PLPPR1: variants seen among roughly 807,000 people sequenced by gnomAD.
PLPPR1 encodes phospholipid phosphatase-related protein type 1.
In PLPPR1, 10 loss-of-function variants were observed where a neutral mutation model predicts 33.1. The ratio of observed to expected loss-of-function variants is 0.30; its 90% CI spans 0.19 to 0.51. The LOEUF is 0.51. PLPPR1 is among the 20% of genes least tolerant of loss of function. The pLI, the probability that PLPPR1 is intolerant of heterozygous loss-of-function variation, is 0.97. For synonymous variants in PLPPR1, 151 were observed against 151.0 expected (o/e 1.00, Z 0.00); for missense variants, 304 against 408.1 (o/e 0.74, Z 2.20).
chr9:101,278,462 T>C (rs1391231630), intron 3 of PLPPR1, among the ~76,000 whole-genome samples: 2 of 152,062 alleles, frequency 1.3e-5, no homozygotes, highest in African/African-American at 2.4e-5. Flanking sequence ...GAGTAACTGG[T>C]TGGAACACAA....
chr9:101,195,941 T>A (rs1193378567), intron 2 of PLPPR1, among the ~76,000 whole-genome samples: 3 of 152,212 alleles, frequency 2.0e-5, no homozygotes, highest in African/African-American at 7.2e-5. Context: ...CATTCCAAGA[T>A]AATGGCAGAC....
intron 3 of PLPPR1, among the ~76,000 whole-genome samples, chr9:101,285,645 G>A (rs1276892210): frequency 6.6e-6 from 1 of 152,142 alleles, no homozygotes; most frequent in African/African-American, 2.4e-5. Context: ...ATAGCATACA[G>A]TATGTCATTT....
chr9:101,152,148 G>A (rs1269924654), intron 1 of PLPPR1, among the ~76,000 whole-genome samples: 1 of 152,178 alleles, frequency 6.6e-6, no homozygotes, highest in East Asian at 1.9e-4. Context: ...CTGATGGCCA[G>A]TGATAATGAG....
In PLPPR1 at chr9:101,210,041, G is replaced by A. The variant is rs986755097; in HGVS notation, c.63+24484G>A. 9.9e-5 allele frequency among the ~76,000 whole-genome samples: 15 copies of A among 152,230 alleles called. 1 individual carries two copies. The South Asian group carries it at 3.1e-3, about 32-fold the overall frequency. ...CCTTGTAAGTTTCCTTCAGATGTAG[G>A]ATTATTTTTAGAATTATAAAACCAA... On this transcript the variant is annotated intron_variant, in intron 2 of 7. Transcript: ENST00000374874.
intron 2 of PLPPR1, 69 bp from the exon 3 acceptor site, chr9:101,269,811 G>A: frequency 6.9e-7 from 1 of 1,457,418 alleles, no homozygotes; most frequent in Non-Finnish European, 9.6e-7. Context: ...TGGAGGGAGT[G>A]TGCTCTGAGG....
intron 1 of PLPPR1, among the ~76,000 whole-genome samples, chr9:101,082,290 T>C (rs1410773611): frequency 6.6e-6 from 1 of 152,234 alleles, no homozygotes; most frequent in East Asian, 1.9e-4. Context: ...TTTTCTTCTC[T>C]GTTATCTCTC....
At position 101,285,881 on chromosome 9, in the gene PLPPR1, A is replaced by G. The variant is rs149479677; in HGVS notation, c.253-223A>G. Among the ~76,000 whole-genome samples the G allele has an allele frequency of 7.9e-3, 1,202 of 152,344 alleles. 17 individuals are homozygous for G. Among genetic ancestry groups the G allele is most frequent in the African/African-American group, 0.028 (1,163 of 41,590 alleles). ...TCAATTTGTTTCCATGTGACCTTAG[A>G]TTTTAATATTATAGGCTGAAACTCT... On this transcript the variant is annotated intron_variant, in intron 3 of 7. Transcript: ENST00000374874.
At chr9:101,320,969 C>T (rs544520883) in intron 7 of PLPPR1, among the ~76,000 whole-genome samples, 16 of 152,298 alleles carry the variant, frequency 1.1e-4, no homozygotes, top group African/African-American at 3.6e-4. Flanking sequence ...CAACTCCCAG[C>T]ATTGAATATG....
chr9:101,099,238 T>C (rs991567231), intron 1 of PLPPR1, among the ~76,000 whole-genome samples: 1 of 152,138 alleles, frequency 6.6e-6, no homozygotes, highest in African/African-American at 2.4e-5. Context: ...GCTATTATGA[T>C]GGAGAAAGTT....
chr9:101,060,310 G>T (rs527974403), intron 1 of PLPPR1, among the ~76,000 whole-genome samples: 1 of 151,950 alleles, frequency 6.6e-6, no homozygotes, highest in Non-Finnish European at 1.5e-5. Context: ...TTTACCAGAG[G>T]CTAGGAGTAG....
At chr9:101,156,835 G>T (rs1446382813) in intron 1 of PLPPR1, among the ~76,000 whole-genome samples, 1 of 152,068 alleles carries the variant, frequency 6.6e-6, no homozygotes, top group Non-Finnish European at 1.5e-5. Context: ...GACAGCTATT[G>T]CCTAGTATTT....
chr9:101,277,085 G>T (rs1828210783), intron 3 of PLPPR1, among the ~76,000 whole-genome samples: 1 of 152,104 alleles, frequency 6.6e-6, no homozygotes, highest in Non-Finnish European at 1.5e-5. Flanking sequence ...TAGCAGCAGG[G>T]TCTATAGGTT....
At chr9:101,273,621 T>C (rs1406687653) in intron 3 of PLPPR1, among the ~76,000 whole-genome samples, 3 of 152,224 alleles carry the variant, frequency 2.0e-5, no homozygotes, top group African/African-American at 4.8e-5. Context: ...CCTAAGAAGA[T>C]ACATTGTGGA....
chr9:101,288,576 A>C (rs1828436341), intron 4 of PLPPR1, among the ~76,000 whole-genome samples: 1 of 151,724 alleles, frequency 6.6e-6, no homozygotes, highest in Non-Finnish European at 1.5e-5. Context: ...TAAAAAAATA[A>C]AAAAAAAGCA....
chr9:101,190,589 G>GGAGAA (rs1564171006), intron 2 of PLPPR1, among the ~76,000 whole-genome samples: 1 of 152,040 alleles, frequency 6.6e-6, no homozygotes, highest in East Asian at 1.9e-4. Context: ...CAGTTGGTGG[G>GGAGAA]GAGAACAGAT....
chr9:101,157,737 C>T (rs940162251), intron 1 of PLPPR1, among the ~76,000 whole-genome samples: 4 of 152,054 alleles, frequency 2.6e-5, no homozygotes, highest in Non-Finnish European at 5.9e-5. Context: ...CATGGTGACT[C>T]ATGCCTGTAA....
chr9:101,244,591 G>A (rs985713652), intron 2 of PLPPR1, among the ~76,000 whole-genome samples: 5 of 151,656 alleles, frequency 3.3e-5, no homozygotes. Flanking sequence ...AAAAAATTCA[G>A]TCTCTCATTT....
chr9:101,064,120 G>T (rs1412062158), intron 1 of PLPPR1, among the ~76,000 whole-genome samples: 1 of 152,102 alleles, frequency 6.6e-6, no homozygotes, highest in Admixed American at 6.6e-5. Context: ...AACACAGTCA[G>T]TGCATCATTA....
At chr9:101,058,301 C>T (rs376063365) in intron 1 of PLPPR1, among the ~76,000 whole-genome samples, 5 of 142,832 alleles carry the variant, frequency 3.5e-5, no homozygotes, top group East Asian at 2.2e-4. Context: ...CTAACAGAGC[C>T]GTTTGTGAGC....
Sources: allele counts gnomAD v4.1 joint callset (sites outside exome capture counted in the v4.1 genomes callset), GRCh38; gene constraint gnomAD v4.1.1; transcripts MANE v1.5; gene names NCBI Gene and HGNC (gene_info 2026-07-23, HGNC 2026-07-21).